ERBB4: variants seen among roughly 807,000 people sequenced by gnomAD.
The protein encoded by ERBB4 is erb-b2 receptor tyrosine kinase 4, also known as receptor tyrosine-protein kinase erbB-4.
A neutral mutation model predicts 158.0 loss-of-function variants in ERBB4; 42 were observed. The observed-to-expected ratio is 0.27, with a 90% confidence interval of 0.21 to 0.34. The LOEUF is 0.34. Ranked by LOEUF, ERBB4 falls within the 10% of genes least tolerant of loss-of-function variation. ERBB4 has a pLI of 1.00. For missense variants in ERBB4, 1,333 were observed against 1,624.1 expected (o/e 0.82, Z 3.08); for synonymous variants, 583 against 558.7 (o/e 1.04, Z -0.61).
intron 1 of ERBB4, among the ~76,000 whole-genome samples, chr2:212,183,594 T>C (rs1390573944): frequency 1.3e-5 from 2 of 152,074 alleles, no homozygotes; most frequent in African/African-American, 2.4e-5. Context: ...ATCATTTTCA[T>C]ATACCTTTTA....
chr2:212,417,244 T>A (rs1194461939), intron 1 of ERBB4, among the ~76,000 whole-genome samples: 1 of 152,038 alleles, frequency 6.6e-6, no homozygotes, highest in Non-Finnish European at 1.5e-5. Context: ...TCATAAGTAT[T>A]TGTGGCAGAT....
intron 1 of ERBB4, among the ~76,000 whole-genome samples, chr2:212,181,878 T>A (rs1043965670): frequency 2.3e-4 from 35 of 151,750 alleles, no homozygotes; most frequent in African/African-American, 7.7e-4. Context: ...GCAGTTACTT[T>A]CAAAGAAAAA....
intron 1 of ERBB4, among the ~76,000 whole-genome samples, chr2:212,165,589 T>C (rs1410104730): frequency 6.6e-6 from 1 of 152,042 alleles, no homozygotes; most frequent in African/African-American, 2.4e-5. Flanking sequence ...TTTTTCCTGA[T>C]AAAATACCAC....
chr2:211,881,370 G>C (rs570560239), intron 3 of ERBB4, among the ~76,000 whole-genome samples: 96 of 152,190 alleles, frequency 6.3e-4, no homozygotes, highest in African/African-American at 2.1e-3. Flanking sequence ...TGCTAACAAA[G>C]AGCAGCCTGA....
intron 20 of ERBB4, among the ~76,000 whole-genome samples, chr2:211,475,757 T>A (rs978212681): frequency 1.1e-4 from 17 of 152,026 alleles, no homozygotes; most frequent in Non-Finnish European, 2.1e-4. Context: ...AAATCAATCA[T>A]CTGAAAAGGA....
Position 212,062,655 on chromosome 2 carries a change from T to C in ERBB4, c.234+62097A>G, listed in dbSNP as rs181174064. On this transcript the variant is annotated intron_variant, in intron 2 of 27. Transcript: ENST00000342788. The stretch of plus-strand genomic sequence containing the variant: ...CTCCTGATCTCATGATCTGCCCGCC[T>C]TGGCTTCCCACAATGTTGGGATTAC... Among the ~76,000 whole-genome samples the C allele has an allele frequency of 5.4e-3, 824 of 152,252 alleles. 3 individuals are homozygous for C. The highest frequency in any genetic ancestry group is 6.8e-3 in the Non-Finnish European group (465 of 68,006).
At chr2:212,394,562 C>T (rs2090969983) in intron 1 of ERBB4, among the ~76,000 whole-genome samples, 1 of 151,626 alleles carries the variant, frequency 6.6e-6, no homozygotes, top group East Asian at 1.9e-4. Context: ...ATTTATAGAC[C>T]ATTAATATTC....
rs186083243 is a variant in ERBB4, at chr2:211,673,808, A to G, written c.1623-551T>C. On this transcript the variant is annotated intron_variant, in intron 13 of 27. Coordinates refer to ENST00000342788, the MANE Select transcript of ERBB4 (RefSeq NM_005235.3). ...TAAAATATCTGCCTTGGAGAATTAG[A>G]GAAAACATCTTTTTATGGTAGATTT... Among the ~76,000 whole-genome samples the G allele has an allele frequency of 3.5e-4, 53 of 152,208 alleles. No individual in the cohort carries two copies. In the East Asian group the frequency reaches 9.8e-3, roughly 28 times the overall value.
At chr2:212,314,022 T>C (rs894627626) in intron 1 of ERBB4, among the ~76,000 whole-genome samples, 1 of 151,054 alleles carries the variant, frequency 6.6e-6, no homozygotes, top group Non-Finnish European at 1.5e-5. Context: ...GTGAAAAATA[T>C]AGTTAAATCA....
chr2:211,678,731 C>A (rs575215524), intron 13 of ERBB4, among the ~76,000 whole-genome samples: 32 of 152,024 alleles, frequency 2.1e-4, no homozygotes, highest in Non-Finnish European at 3.2e-4. Flanking sequence ...CTTTGGGAGG[C>A]CAAGGCAGGC....
intron 16 of ERBB4, among the ~76,000 whole-genome samples, chr2:211,653,497 C>T (rs1263883380): frequency 6.7e-6 from 1 of 149,508 alleles, no homozygotes; most frequent in Non-Finnish European, 1.5e-5. Flanking sequence ...ACGCCCGCCC[C>T]GCTGGTTTGG....
intron 3 of ERBB4, among the ~76,000 whole-genome samples, chr2:211,838,763 A>T (rs1013740513): frequency 2.6e-5 from 4 of 152,126 alleles, no homozygotes; most frequent in African/African-American, 4.8e-5. Context: ...CCAGAAACAC[A>T]ATAACGGGTC....
chr2:211,775,862 C>T (rs746988633), intron 4 of ERBB4, among the ~76,000 whole-genome samples: 3 of 152,120 alleles, frequency 2.0e-5, no homozygotes, highest in Non-Finnish European at 2.9e-5. Context: ...ACGGGTTACA[C>T]CTTGACCTAA....
At chr2:212,133,650 A>G (rs2080180270) in intron 1 of ERBB4, among the ~76,000 whole-genome samples, 1 of 151,352 alleles carries the variant, frequency 6.6e-6, no homozygotes, top group Admixed American at 6.6e-5. Context: ...CTAGAATGAA[A>G]AAAAAAAAAG....
chr2:212,309,026 T>C (rs2086918256), intron 1 of ERBB4, among the ~76,000 whole-genome samples: 1 of 150,898 alleles, frequency 6.6e-6, no homozygotes, highest in African/African-American at 2.4e-5. Context: ...GTAAGTTAAT[T>C]TGAGGAAGGA....
At chr2:211,506,202 A>G (rs1435836329) in intron 20 of ERBB4, among the ~76,000 whole-genome samples, 1 of 137,058 alleles carries the variant, frequency 7.3e-6, no homozygotes, top group Non-Finnish European at 1.5e-5. Context: ...AGAGTGCAAT[A>G]CAGTAAGATT....
chr2:212,048,855 T>C (rs1020190568), intron 2 of ERBB4, among the ~76,000 whole-genome samples: 2 of 152,046 alleles, frequency 1.3e-5, no homozygotes, highest in Non-Finnish European at 2.9e-5. Context: ...AAAGAAAAAA[T>C]ATTCCCCTTA....
intron 1 of ERBB4, among the ~76,000 whole-genome samples, chr2:212,472,270 C>T (rs1689151464): frequency 6.6e-6 from 1 of 151,664 alleles, no homozygotes; most frequent in South Asian, 2.1e-4. Flanking sequence ...TGCACTGAAA[C>T]CTAAAATATA....
chr2:211,457,625 G>C (rs2064415640), intron 20 of ERBB4, among the ~76,000 whole-genome samples: 1 of 152,194 alleles, frequency 6.6e-6, no homozygotes, highest in South Asian at 2.1e-4. Context: ...TGCACAGGGA[G>C]ATGAGGGTCG....
Sources: gnomAD v4.1 joint callset for allele counts (sites outside exome capture counted in the v4.1 genomes callset) on GRCh38, gnomAD v4.1.1 for gene constraint, MANE v1.5 for transcripts, NCBI Gene and HGNC (gene_info 2026-07-23, HGNC 2026-07-21) for gene names.